Variants in FLT3 observed in about 807,000 individuals in gnomAD.
FLT3 encodes the protein fms related receptor tyrosine kinase 3.
In FLT3, 46 loss-of-function variants were observed where a neutral mutation model predicts 126.6. The observed-to-expected ratio is 0.36, with a 90% CI of 0.29 to 0.46. FLT3 has a LOEUF of 0.46. Among genes scored for constraint, FLT3 ranks in the 20% least tolerant of loss-of-function variants. The pLI is 1.00. For synonymous variants in FLT3, 404 were observed against 434.4 expected (o/e 0.93, Z 0.87); for missense variants, 1,069 against 1,190.3 (o/e 0.90, Z 1.50).
chr13:28,009,497 C>A (rs1235657908), intron 23 of FLT3: 1 of 152,150 alleles, frequency 6.6e-6, no homozygotes, highest in Non-Finnish European at 1.5e-5. Flanking sequence ...GTTTCTGGTC[C>A]ACAAAAAGAT....
At chr13:28,073,392 T>C in intron 1 of FLT3, 1 of 428,230 alleles carries the variant, frequency 2.3e-6, no homozygotes. Flanking sequence ...GTCACTTGAG[T>C]GGTCTGTAGA....
chr13:28,039,763 G>A lies in FLT3; in HGVS notation c.1206-2475C>T, dbSNP rs571940735. On this transcript the variant is annotated intron_variant, in intron 9 of 23. Coordinates refer to ENST00000241453, the MANE Select transcript of FLT3 (RefSeq NM_004119.3). ...AGGGTTCACCATGTTGGCCAGACTCGTCTTGAATTCCTGACCTCATGTGAT... is the reference window on the plus strand; with the variant it reads ...AGGGTTCACCATGTTGGCCAGACTCATCTTGAATTCCTGACCTCATGTGAT... 5.9e-5 allele frequency among the ~76,000 whole-genome samples: 9 copies of A among 152,092 alleles called. No homozygotes were observed. In the South Asian group the frequency reaches 8.3e-4, roughly 14 times the overall value.
At chr13:28,038,734 T>C (rs938962232) in intron 9 of FLT3, among the ~76,000 whole-genome samples, 1 of 152,074 alleles carries the variant, frequency 6.6e-6, no homozygotes, top group Non-Finnish European at 1.5e-5. Context: ...ATTACATGCA[T>C]GAGCCACTGC....
At chr13:28,027,859 C>G (rs549980641) in intron 16 of FLT3, among the ~76,000 whole-genome samples, 1 of 152,258 alleles carries the variant, frequency 6.6e-6, no homozygotes, top group Non-Finnish European at 1.5e-5. Flanking sequence ...CTCACCACGC[C>G]TGTGCACCAG....
intron 1 of FLT3, among the ~76,000 whole-genome samples, chr13:28,091,240 G>A (rs867288631): frequency 1.7e-3 from 7 of 4,236 alleles, no homozygotes; most frequent in Non-Finnish European, 2.6e-3. Flanking sequence ...TTTTTTTTTT[G>A]AGACGGAGTC....
chr13:28,015,308 T>A, intron 21 of FLT3, 52 bp from the exon 22 acceptor site: 1 of 1,184,522 alleles, frequency 8.4e-7, no homozygotes, highest in Non-Finnish European at 1.3e-6. Flanking sequence ...TTCATTTGTT[T>A]ATTGATTCAT....
chr13:28,021,499 G>A (rs1001394106), intron 19 of FLT3, among the ~76,000 whole-genome samples: 1 of 152,152 alleles, frequency 6.6e-6, no homozygotes, highest in African/African-American at 2.4e-5. Flanking sequence ...AACAGCAGGT[G>A]GGGAAAATGA....
At chr13:28,071,683 C>T (rs181281096) in intron 1 of FLT3, among the ~76,000 whole-genome samples, 1 of 152,118 alleles carries the variant, frequency 6.6e-6, no homozygotes, top group Non-Finnish European at 1.5e-5. Context: ...CCGGTTGGTC[C>T]GACTCCCCAG....
At chr13:28,085,719 G>A (rs1878634816) in intron 1 of FLT3, among the ~76,000 whole-genome samples, 1 of 146,854 alleles carries the variant, frequency 6.8e-6, no homozygotes, top group Non-Finnish European at 1.5e-5. Context: ...TCTCTGAAAT[G>A]TACTTTGTCT....
chr13:28,014,310 C>A, intron 23 of FLT3, 142 bp downstream of exon 23: 2 of 617,438 alleles, frequency 3.2e-6, no homozygotes, highest in East Asian at 2.8e-5. Flanking sequence ...AGTCTTACCC[C>A]ACACAACTTT....
chr13:28,053,178 AC>A (rs2137743274), intron 4 of FLT3, among the ~76,000 whole-genome samples: 1 of 148,702 alleles, frequency 6.7e-6, no homozygotes, highest in African/African-American at 2.4e-5. Context: ...CCTGGATCAC[AC>A]ACACACACAC....
intron 1 of FLT3, among the ~76,000 whole-genome samples, chr13:28,092,289 G>A (rs1004155054): frequency 1.3e-5 from 2 of 151,900 alleles, no homozygotes; most frequent in African/African-American, 4.8e-5. Flanking sequence ...CAGTGTCACA[G>A]GATCCAGAAA....
intron 1 of FLT3, among the ~76,000 whole-genome samples, chr13:28,081,433 ATTTTTT>A (rs1250451198): frequency 1.3e-5 from 2 of 152,122 alleles, no homozygotes; most frequent in Non-Finnish European, 2.9e-5. Context: ...AAGATAATTA[ATTTTTT>A]TCCACACTGA....
intron 22 of FLT3, 47 bp downstream of exon 22, chr13:28,015,110 C>CTG: frequency 3.4e-6 from 4 of 1,189,482 alleles, no homozygotes; most frequent in Non-Finnish European, 5.0e-6. Flanking sequence ...AGTAGACAGA[C>CTG]TGTACCTTTC....
At chr13:28,006,620 G>C (rs1184827005) in intron 23 of FLT3, among the ~76,000 whole-genome samples, 1 of 151,584 alleles carries the variant, frequency 6.6e-6, no homozygotes, top group Admixed American at 6.6e-5. Flanking sequence ...TCACTGTCTA[G>C]AAGTTTCTAG....
intron 5 of FLT3, among the ~76,000 whole-genome samples, chr13:28,052,128 C>CACA: frequency 6.6e-6 from 1 of 151,250 alleles, no homozygotes; most frequent in Middle Eastern, 3.4e-3. Flanking sequence ...GAGTTTCGCT[C>CACA]TTGTTGCCCA....
intron 1 of FLT3, among the ~76,000 whole-genome samples, chr13:28,070,905 G>T (rs1877444909): frequency 6.6e-6 from 1 of 152,000 alleles, no homozygotes; most frequent in African/African-American, 2.4e-5. Flanking sequence ...TTTGAAATGA[G>T]GCTAGTTTGA....
At chr13:28,041,264 G>A (rs1326931235) in intron 9 of FLT3, among the ~76,000 whole-genome samples, 1 of 152,154 alleles carries the variant, frequency 6.6e-6, no homozygotes. Flanking sequence ...TTCTAAGAGA[G>A]AAAGTGTAAT....
At chr13:28,035,882 G>T in intron 11 of FLT3, 53 bp downstream of exon 11, 2 of 1,403,962 alleles carry the variant, frequency 1.4e-6, no homozygotes, top group African/African-American at 1.4e-5. Flanking sequence ...AGAGTCAATA[G>T]GTCAGAGAGT....
Sources: allele counts gnomAD v4.1 joint callset (sites outside exome capture counted in the v4.1 genomes callset), GRCh38; gene constraint gnomAD v4.1.1; transcripts MANE v1.5; gene names NCBI Gene and HGNC (gene_info 2026-07-23, HGNC 2026-07-21).